NDUFA13: variants seen among roughly 807,000 people sequenced by gnomAD.
The protein encoded by NDUFA13 is NADH:ubiquinone oxidoreductase subunit A13.
Under a neutral mutation model 17.0 loss-of-function variants are expected in NDUFA13, and 16 were observed. That is an observed-to-expected ratio of 0.94 (90% CI 0.64 to 1.43). The LOEUF (loss-of-function observed/expected upper bound fraction) is 1.43, where lower values mean the gene tolerates loss of function less well. Ranked by LOEUF, NDUFA13 falls within the 40% of genes most tolerant of loss-of-function variation. NDUFA13 has a pLI of 0.00. For synonymous variants in NDUFA13, 87 were observed against 78.4 expected, an observed-to-expected ratio of 1.11 and a Z score of -0.58; for missense variants, 228 against 206.7, an observed-to-expected ratio of 1.10 and a Z score of -0.63.
At chr19:19,520,395 C>T (rs2061071407) in intron 1 of NDUFA13, among the ~76,000 whole-genome samples, 1 of 152,160 alleles carries the variant, frequency 6.6e-6, no homozygotes, top group African/African-American at 2.4e-5. Flanking sequence ...CCTTTGAGGA[C>T]AAAGCGGATG....
In NDUFA13 at chr19:19,527,756, G is replaced by A. The variant is rs1463621930; in HGVS notation, c.301G>A (p.Val101Met). 4 of 1,552,810 alleles carry A rather than the reference G, an allele frequency of 2.6e-6. No individual in the cohort carries two copies. The highest frequency in any genetic ancestry group is 2.6e-6 in the Non-Finnish European group (3 of 1,147,510). Residue 101 changes from valine to methionine, a missense_variant, in exon 4 of 5, where the codon GTG becomes ATG. Val to Met is a conservative substitution (Grantham distance 21). Coordinates refer to ENST00000507754, the MANE Select transcript of NDUFA13 (RefSeq NM_015965.7). ...LEEEAIIMKD[V>M]PDWKVGESVF... is the part of the protein sequence containing the mutation. The stretch of plus-strand genomic sequence containing the variant: ...GGAGGAGGCCATCATCATGAAGGAC[G>A]TGCCCGACTGGAAGGTGGGTCCCGG...
intron 1 of NDUFA13, 151 bp downstream of exon 1, chr19:19,516,483 T>C: frequency 1.2e-6 from 1 of 844,768 alleles, no homozygotes; most frequent in East Asian, 2.7e-5. Context: ...TAACGCTAAG[T>C]GCTGCAGTTT....
intron 2 of NDUFA13, among the ~76,000 whole-genome samples, chr19:19,527,066 C>T (rs2061103526): frequency 6.6e-6 from 1 of 152,366 alleles, no homozygotes; most frequent in South Asian, 2.1e-4. Context: ...GGGCAGTCAC[C>T]CGTGCAGCTG....
intron 3 of NDUFA13, 40 bp downstream of exon 3, chr19:19,527,392 G>A (rs2061106624): frequency 1.2e-6 from 2 of 1,608,494 alleles, no homozygotes; most frequent in African/African-American, 2.7e-5. Context: ...TCACTGGCCG[G>A]AAGGCCCCAG....
At chr19:19,518,729 ATTTTTTTTTTTT>A (rs566386690) in intron 1 of NDUFA13, among the ~76,000 whole-genome samples, 6 of 34,118 alleles carry the variant, frequency 1.8e-4, no homozygotes, top group Non-Finnish European at 3.6e-4. Context: ...ATGCCCTGCG[ATTTTTTTTTTTT>A]TTTTTTTTTT....
intron 1 of NDUFA13, among the ~76,000 whole-genome samples, chr19:19,519,912 A>G (rs2061068789): frequency 6.7e-6 from 1 of 150,246 alleles, no homozygotes; most frequent in South Asian, 2.1e-4. Context: ...TGGGTCAGCC[A>G]TTCACTCACT....
intron 1 of NDUFA13, among the ~76,000 whole-genome samples, chr19:19,522,778 G>C (rs1361322843): frequency 6.6e-6 from 1 of 152,096 alleles, no homozygotes; most frequent in East Asian, 1.9e-4. Flanking sequence ...GCGCCCGGCA[G>C]GTCTTTGATC....
chr19:19,516,255 T>C lies in NDUFA13; in HGVS notation c.17T>C (p.Val6Ala), dbSNP rs200873378. The part of the protein sequence containing the change: MAASK[V>A]KQDMPPPGGY... ...ACTGCGAGTATGGCGGCGTCAAAGG[T>C]GAAGCAGGACATGCCTCCGCCGGGG... Residue 6 changes from valine (V) to alanine (A), a missense_variant, in exon 1 of 5, where the codon GTG (valine) becomes GCG (alanine). By Grantham distance (64) the Val-to-Ala change is moderately conservative (BLOSUM62 0). Transcript: ENST00000507754. 3 of 1,613,664 alleles carry C rather than the reference T, an allele frequency of 1.9e-6. No individual in the cohort carries two copies. The highest frequency in any genetic ancestry group is 2.2e-5 in the South Asian group (2 of 91,066).
rs1038926778 is a variant in NDUFA13 at position 19,517,458 on chromosome 19, C to G, written c.94+1126C>G. Among the ~76,000 whole-genome samples the G allele has an allele frequency of 1.7e-4, 26 of 151,278 alleles. No individual in the cohort carries two copies. The South Asian group carries it at 5.5e-3, about 32-fold the overall frequency. ...AAGTCCTGGGCTCAAGTGATCCACC[C>G]ACCTCGGCTTCCCAAAGTGATGGGA... On this transcript the variant is annotated intron_variant, in intron 1 of 4. Coordinates refer to ENST00000507754, the MANE Select transcript of NDUFA13 (RefSeq NM_015965.7).
chr19:19,518,570 G>T (rs1020390950), intron 1 of NDUFA13, among the ~76,000 whole-genome samples: 340 of 120,406 alleles, frequency 2.8e-3, no homozygotes, highest in Non-Finnish European at 4.8e-3. Context: ...TTGTGTGTGT[G>T]TTTTTTTTTT....
intron 1 of NDUFA13, among the ~76,000 whole-genome samples, chr19:19,517,827 T>G (rs886256825): frequency 6.6e-6 from 1 of 151,844 alleles, no homozygotes; most frequent in Admixed American, 6.6e-5. Flanking sequence ...GCGGCCAACC[T>G]CCTCTTGTTT....
At chr19:19,523,312 G>A (rs1222420529) in intron 1 of NDUFA13, among the ~76,000 whole-genome samples, 3 of 152,240 alleles carry the variant, frequency 2.0e-5, no homozygotes, top group South Asian at 2.1e-4. Context: ...GGCCAAGGCC[G>A]GGCTCAGTGG....
chr19:19,519,087 C>T (rs1429796159), intron 1 of NDUFA13, among the ~76,000 whole-genome samples: 2 of 132,536 alleles, frequency 1.5e-5, no homozygotes, highest in Non-Finnish European at 3.1e-5. Context: ...GACAGGGTTT[C>T]ACCATGTAGG....
chr19:19,527,573 C>G (rs1372570724), intron 3 of NDUFA13, 128 bp from the exon 4 acceptor site: 6 of 962,518 alleles, frequency 6.2e-6, no homozygotes, highest in Non-Finnish European at 9.7e-6. Flanking sequence ...AAGAGAAAAG[C>G]TAGGAGTTGG....
chr19:19,522,992 G>C (rs1310148205), intron 1 of NDUFA13, among the ~76,000 whole-genome samples: 1 of 152,002 alleles, frequency 6.6e-6, no homozygotes, highest in Non-Finnish European at 1.5e-5. Context: ...GAACATCTCT[G>C]TCCTATGCCA....
chr19:19,517,145 A>C lies in NDUFA13; in HGVS notation c.94+813A>C, dbSNP rs1247772541. 2.0e-5 allele frequency among the ~76,000 whole-genome samples: 3 copies of C among 152,210 alleles called. No individual in the cohort carries two copies. The East Asian group carries it at 5.8e-4, about 29-fold the overall frequency. On this transcript the variant is annotated intron_variant, in intron 1 of 4. Coordinates refer to ENST00000507754, the MANE Select transcript of NDUFA13 (RefSeq NM_015965.7). ...TTTTGTTATCGGGCTCAGCACAGAA[A>C]ATTGAAAAAGAGAACTTAAAAGGCG... is the stretch of plus-strand genomic sequence containing the variant.
At chr19:19,519,045 ATTTTTTT>A (rs71170693) in intron 1 of NDUFA13, among the ~76,000 whole-genome samples, 1 of 114,916 alleles carries the variant, frequency 8.7e-6, no homozygotes, top group Non-Finnish European at 1.7e-5. Flanking sequence ...GGCCCGGCCT[ATTTTTTT>A]TTTTTTTTTT....
At chr19:19,526,302 C>T (rs749640556) in intron 2 of NDUFA13, 42 bp downstream of exon 2, 32 of 1,604,638 alleles carry the variant, frequency 2.0e-5, no homozygotes, top group Non-Finnish European at 2.3e-5. Context: ...GCCCCCCCGG[C>T]GAGTTGTCGG....
chr19:19,521,537 ATGTC>A (rs2061077646), intron 1 of NDUFA13, among the ~76,000 whole-genome samples: 1 of 152,202 alleles, frequency 6.6e-6, no homozygotes, highest in Admixed American at 6.5e-5. Flanking sequence ...GGCCATTTGT[ATGTC>A]TGTCTGTGAG....
Sources: gnomAD v4.1 joint callset for allele counts (sites outside exome capture counted in the v4.1 genomes callset) on GRCh38, gnomAD v4.1.1 for gene constraint, MANE v1.5 for transcripts, NCBI Gene and HGNC (gene_info 2026-07-23, HGNC 2026-07-21) for gene names.